The following ZNF283 variants were observed in gnomAD, a reference collection of about 807,000 sequenced individuals.
ZNF283 encodes zinc finger protein 41.
In ZNF283, 10 loss-of-function variants were observed where a neutral mutation model predicts 9.2. That is an observed-to-expected ratio of 1.09 (90% CI 0.67 to 1.85). The LOEUF (loss-of-function observed/expected upper bound fraction) is 1.85, where lower values mean the gene tolerates loss of function less well. Among genes scored for constraint, ZNF283 ranks in the 40% most tolerant of loss-of-function variants. The pLI, the probability that ZNF283 is intolerant of heterozygous loss-of-function variation, is 0.00. For synonymous variants in ZNF283, 234 were observed against 244.1 expected (o/e 0.96, Z 0.38); for missense variants, 631 against 760.1 (o/e 0.83, Z 2.00).
At chr19:43,830,910 A>G (rs1970682401) in intron 2 of ZNF283, among the ~76,000 whole-genome samples, 1 of 122,680 alleles carries the variant, frequency 8.2e-6, no homozygotes, top group African/African-American at 2.7e-5. Flanking sequence ...CTAAAAAAAA[A>G]AAAAAAAAAA....
At chr19:43,830,311 CAAGTGAT>C (rs912715484) in intron 2 of ZNF283, among the ~76,000 whole-genome samples, 1 of 152,088 alleles carries the variant, frequency 6.6e-6, no homozygotes, top group Non-Finnish European at 1.5e-5. Flanking sequence ...CTCCTGGACT[CAAGTGAT>C]CTGCCTGCCT....
chr19:43,830,491 T>C (rs1438133450), intron 2 of ZNF283, among the ~76,000 whole-genome samples: 1 of 152,170 alleles, frequency 6.6e-6, no homozygotes, highest in Non-Finnish European at 1.5e-5. Flanking sequence ...AATGTGTTTT[T>C]TTAAGTGGGC....
At chr19:43,844,405 A>T (rs981522231) in intron 6 of ZNF283, among the ~76,000 whole-genome samples, 2 of 152,218 alleles carry the variant, frequency 1.3e-5, no homozygotes, top group Non-Finnish European at 2.9e-5. Flanking sequence ...CTTACATAGA[A>T]ATTAAAATTC....
intron 6 of ZNF283, among the ~76,000 whole-genome samples, chr19:43,845,056 G>T (rs1021150808): frequency 6.6e-6 from 1 of 151,988 alleles, no homozygotes; most frequent in African/African-American, 2.4e-5. Flanking sequence ...ATAACCTGTG[G>T]GTACATGAAT....
chr19:43,849,777 T>G lies in ZNF283; in HGVS notation c.*1136T>G, dbSNP rs1318380137. The G allele has an allele frequency of 6.6e-6, 1 of 152,226 alleles. No individual in the cohort carries two copies. The highest frequency in any genetic ancestry group is 1.5e-5 in the Non-Finnish European group (1 of 68,032). The allele number at this position is 152,226 out of a possible 1,614,324, so 9.4% of individuals were successfully genotyped here. On this transcript the variant is annotated 3_prime_UTR_variant, in exon 7 of 7. Coordinates refer to ENST00000618787, the MANE Select transcript of ZNF283 (RefSeq NM_181845.2). The stretch of plus-strand genomic sequence containing the variant: ...AAATGCTGATGGTAACTAATAATGC[T>G]GTTACAGAGATTAGATGGATTTAGT...
At chr19:43,835,390 G>A in intron 4 of ZNF283, 115 bp from the exon 5 acceptor site, 1 of 701,370 alleles carries the variant, frequency 1.4e-6, no homozygotes, top group Non-Finnish European at 2.5e-6. Context: ...TCCATAAATG[G>A]TGCGTGGGGT....
chr19:43,830,460 A>G (rs1002018395), intron 2 of ZNF283, among the ~76,000 whole-genome samples: 12 of 152,174 alleles, frequency 7.9e-5, no homozygotes, highest in African/African-American at 2.9e-4. Flanking sequence ...AATTGAGACT[A>G]AATTTTTGTA....
At chr19:43,830,741 A>G (rs1278300831) in intron 2 of ZNF283, among the ~76,000 whole-genome samples, 1 of 151,966 alleles carries the variant, frequency 6.6e-6, no homozygotes, top group Non-Finnish European at 1.5e-5. Flanking sequence ...CATCTGTACT[A>G]AAATTACAAA....
rs192057946 is a variant in ZNF283, at chr19:43,848,218, G to A, written c.1617G>A (p.Gly539=). Residue 539 remains glycine (G), a synonymous_variant, in exon 7 of 7, where the codon GGG becomes GGA. Transcript: ENST00000618787. Reference sequence around the variant, plus strand: ...TTCAACATGAAAGAATCCATACAGGGGAGAAACCCTATGAATGTAAAGAAT... The same window carrying A: ...TTCAACATGAAAGAATCCATACAGGAGAGAAACCCTATGAATGTAAAGAAT... ...SLVQHERIHT[G]EKPYECKECG... The A allele has an allele frequency of 1.7e-5, 28 of 1,604,440 alleles. No homozygotes were observed. In the East Asian group the frequency reaches 6.1e-4, roughly 35 times the overall value.
chr19:43,843,773 A>ATTTTCTTCAT (rs1971305253), intron 6 of ZNF283, among the ~76,000 whole-genome samples: 2 of 152,214 alleles, frequency 1.3e-5, no homozygotes, highest in Admixed American at 1.3e-4. Flanking sequence ...ACATAGTATG[A>ATTTTCTTCAT]AAAGTTCACA....
chr19:43,847,960 T>C lies in ZNF283; in HGVS notation c.1359T>C (p.His453=), dbSNP rs773565880. 4.3e-6 allele frequency: 7 copies of C among 1,613,832 alleles called. No homozygotes were observed. In the South Asian group the frequency reaches 5.5e-5, roughly 13 times the overall value. The part of the protein sequence containing the change: ...GYHLSQHQKI[H]TGEKPFECKE... ...ACCTTTCTCAACATCAGAAAATCCA[T>C]ACTGGTGAGAAACCTTTTGAATGTA... The change falls in exon 7 of 7, where the codon CAT becomes CAC. Residue 453 remains histidine, a synonymous_variant. Transcript: ENST00000618787.
At position 43,845,774 on chromosome 19, in the gene ZNF283, T is replaced by C. The variant is rs1468087241; in HGVS notation, c.338-1165T>C. 4.6e-5 allele frequency among the ~76,000 whole-genome samples: 7 copies of C among 152,162 alleles called. No homozygotes were observed. In the East Asian group the frequency reaches 1.2e-3, roughly 25 times the overall value. The stretch of plus-strand genomic sequence containing the variant: ...GCTAGCAGTCTTTTCTATCATATCA[T>C]ACTTATGTCACTTTTTTCATACATT... On this transcript the variant is annotated intron_variant, in intron 6 of 6. Coordinates refer to ENST00000618787, the MANE Select transcript of ZNF283 (RefSeq NM_181845.2).
Position 43,835,537 on chromosome 19 carries a change from T to C in ZNF283, c.155T>C (p.Ile52Thr), listed in dbSNP as rs750657032. Residue 52 changes from isoleucine (I) to threonine (T), a missense_variant, in exon 5 of 7, where the codon ATA becomes ACA. Ile to Thr is a moderately conservative substitution (Grantham distance 89). Coordinates refer to ENST00000618787, the MANE Select transcript of ZNF283 (RefSeq NM_181845.2). ...TTTTCTGGATTCTGTGCTTCACCAA[T>C]AGAGGAATCCCATGGAGCATTAATT... Reference protein sequence around the residue: ...SGFSGFCASPIEESHGALISS... With the variant: ...SGFSGFCASPTEESHGALISS... 5 of 1,611,436 alleles carry C rather than the reference T, an allele frequency of 3.1e-6. No homozygotes were observed. Among genetic ancestry groups the C allele is most frequent in the Middle Eastern group, 1.6e-4 (1 of 6,084 alleles).
chr19:43,828,725 AGCTCAGTGCAACCTTGAAGTCCTGG>A lies in ZNF283; in HGVS notation c.-65+451_-65+475del, dbSNP rs574355096. Among the ~76,000 whole-genome samples the A allele has an allele frequency of 6.1e-3, 928 of 152,236 alleles. 10 individuals are homozygous for A. Among genetic ancestry groups the A allele is most frequent in the African/African-American group, 0.021 (866 of 41,528 alleles). ...AGGCTGAGTGCAGTAGTATAGTCAT[AGCTCAGTGCAACCTTGAAGTCCTGG>A]GCTCAGGTGTTCCTCTGGCCTTGGC... On this transcript the variant is annotated intron_variant, in intron 2 of 6. Coordinates refer to ENST00000618787, the MANE Select transcript of ZNF283 (RefSeq NM_181845.2).
In ZNF283 at chr19:43,850,792, C is replaced by T. The variant is rs192767278; in HGVS notation, c.*2151C>T. On this transcript the variant is annotated 3_prime_UTR_variant, in exon 7 of 7. Coordinates refer to ENST00000618787, the MANE Select transcript of ZNF283 (RefSeq NM_181845.2). The stretch of plus-strand genomic sequence containing the variant: ...ATGGCTTCTTGCAACCACTTTCAAC[C>T]AGGTGCCTGTCATGATTTAGTGCTA... 6.6e-6 allele frequency: 1 copy of T among 152,192 alleles called. No homozygotes were observed. The highest frequency in any genetic ancestry group is 6.5e-5 in the Admixed American group (1 of 15,284). The allele number at this position is 152,192 out of a possible 1,614,324, so 9.4% of individuals were successfully genotyped here.
chr19:43,834,214 C>T (rs887827359), intron 4 of ZNF283, among the ~76,000 whole-genome samples: 6 of 151,838 alleles, frequency 4.0e-5, no homozygotes, highest in Non-Finnish European at 8.8e-5. Context: ...CAAAATAAAT[C>T]CATCAGTCAA....
Position 43,831,373 on chromosome 19 carries a change from C to T in ZNF283, c.-9C>T, listed in dbSNP as rs762371909. ...CATTGAATAACAGCTACAGGATGTT[C>T]GAGAGCTGGTAGGTGTAAATTGTTT... On this transcript the variant is annotated 5_prime_UTR_variant, in exon 3 of 7. Transcript: ENST00000618787. The T allele has an allele frequency of 1.8e-5, 28 of 1,594,798 alleles. No homozygotes were observed. Among genetic ancestry groups the T allele is most frequent in the Admixed American group, 1.3e-4 (8 of 59,532 alleles).
At chr19:43,836,456 C>G (rs1273146269) in intron 5 of ZNF283, among the ~76,000 whole-genome samples, 1 of 152,212 alleles carries the variant, frequency 6.6e-6, no homozygotes, top group Non-Finnish European at 1.5e-5. Flanking sequence ...ATTCTCCTGC[C>G]TTAGCCTCCC....
intron 6 of ZNF283, among the ~76,000 whole-genome samples, chr19:43,846,379 T>C (rs1461667562): frequency 2.0e-5 from 3 of 152,200 alleles, no homozygotes; most frequent in Admixed American, 6.5e-5. Context: ...ATGAAAGCAA[T>C]GTTTGCTTTA....
Sources: allele counts gnomAD v4.1 joint callset (sites outside exome capture counted in the v4.1 genomes callset), GRCh38; gene constraint gnomAD v4.1.1; transcripts MANE v1.5; gene names NCBI Gene and HGNC (gene_info 2026-07-23, HGNC 2026-07-21).